ECEL1: variants seen among roughly 807,000 people sequenced by gnomAD.
The protein encoded by ECEL1 is endothelin converting enzyme like 1, also known as endothelin-converting enzyme-like 1.
In ECEL1, 87 loss-of-function variants were observed where a neutral mutation model predicts 101.8. That is an observed-to-expected ratio of 0.85 (90% CI 0.72 to 1.02). ECEL1 has a LOEUF of 1.02. ECEL1 is among the 50% of genes least tolerant of loss of function. ECEL1 has a pLI of 0.00. For synonymous variants in ECEL1, 487 were observed against 468.7 expected (o/e 1.04, Z -0.50); for missense variants, 1,032 against 1,079.2 (o/e 0.96, Z 0.61).
chr2:232,482,507 T>C (rs1390776468), intron 11 of ECEL1, 38 bp from the exon 12 acceptor site: 2 of 1,613,916 alleles, frequency 1.2e-6, no homozygotes, highest in Non-Finnish European at 1.7e-6. Flanking sequence ...ACCCATCCAC[T>C]TTCGGACCCT....
At position 232,486,725 on chromosome 2, in the gene ECEL1, G is replaced by T; in HGVS notation, c.-72C>A. The T allele has an allele frequency of 2.2e-6, 3 of 1,373,006 alleles. No individual in the cohort carries two copies. The highest frequency in any genetic ancestry group is 1.9e-6 in the Non-Finnish European group (2 of 1,065,282). 85.1% of individuals were successfully genotyped at this position (1,373,006 alleles called of 1,614,324 possible). On this transcript the variant is annotated 5_prime_UTR_variant, in exon 2 of 18. Coordinates refer to ENST00000304546, the MANE Select transcript of ECEL1 (RefSeq NM_004826.4). ...GATGCGCGTGGCCGCCGGCCTCCTC[G>T]TGGGCCTCCGCATGGCCCTGGGGCC... is the stretch of plus-strand genomic sequence containing the variant.
intron 15 of ECEL1, 81 bp from the exon 16 acceptor site, chr2:232,480,894 C>T: frequency 7.1e-7 from 1 of 1,411,508 alleles, no homozygotes; most frequent in Non-Finnish European, 9.7e-7. Context: ...CTAGGTAGCC[C>T]TCCCTGCTCT....
intron 2 of ECEL1, 94 bp from the exon 3 acceptor site, chr2:232,485,361 G>A: frequency 7.1e-7 from 1 of 1,408,358 alleles, no homozygotes; most frequent in Non-Finnish European, 9.7e-7. Context: ...AGAGCAACCA[G>A]ACATCCATGA....
Position 232,486,122 on chromosome 2 carries a change from G to T in ECEL1, c.532C>A (p.Arg178Ser). ...PGGGPGGAAQRKVRAFFRSCL... is the reference protein window; with the variant it reads ...PGGGPGGAAQSKVRAFFRSCL... ...GAGCGGAAGAAGGCGCGCACCTTGCGCTGGGCCGCGCCGCCAGGCCCACCC... is the reference window on the plus strand; with the variant it reads ...GAGCGGAAGAAGGCGCGCACCTTGCTCTGGGCCGCGCCGCCAGGCCCACCC... The change falls in exon 2 of 18, where the codon CGC becomes AGC. Residue 178 changes from arginine to serine, a missense_variant. Arg to Ser is a moderately radical substitution (Grantham distance 110, BLOSUM62 -1). Transcript: ENST00000304546. The T allele has an allele frequency of 6.4e-7, 1 of 1,569,454 alleles. No individual in the cohort carries two copies. The highest frequency in any genetic ancestry group is 8.6e-7 in the Non-Finnish European group (1 of 1,161,104).
In ECEL1 at chr2:232,486,704, C is replaced by G. The variant is rs779874372; in HGVS notation, c.-51G>C. 3.5e-6 allele frequency: 5 copies of G among 1,410,836 alleles called. No individual in the cohort carries two copies. Among genetic ancestry groups the G allele is most frequent in the Non-Finnish European group, 4.6e-6 (5 of 1,088,794 alleles). 87.4% of individuals were successfully genotyped at this position (1,410,836 alleles called of 1,614,324 possible). On this transcript the variant is annotated 5_prime_UTR_variant, in exon 2 of 18. Transcript: ENST00000304546. ...CCTGGGCCACCTGGGCTACGGGATG[C>G]GCGTGGCCGCCGGCCTCCTCGTGGG...
Position 232,480,718 on chromosome 2 carries a change from C to T in ECEL1, c.2151G>A (p.Gln717=). The change falls in exon 16 of 18, where the codon CAG becomes CAA. Residue 717 remains glutamine, a splice_region_variant and synonymous_variant. Transcript: ENST00000304546. ...CAGTCCAATCCCCCACCCAGCCCACCTGGGCAAAGGCAATGAAGAAGAGCT... is the reference window on the plus strand; with the variant it reads ...CAGTCCAATCCCCCACCCAGCCCACTTGGGCAAAGGCAATGAAGAAGAGCT... The part of the protein sequence containing the change: ...HDQLFFIAFA[Q]NWCIKRRSQS... 1 of 1,614,096 alleles carries T rather than the reference C, an allele frequency of 6.2e-7. No homozygotes were observed. The highest frequency in any genetic ancestry group is 8.5e-7 in the Non-Finnish European group (1 of 1,179,980).
rs942039552 is a variant in ECEL1 at position 232,481,841 on chromosome 2, T to C, written c.1805A>G (p.Asn602Ser). ...AATGATGGTGCCGATGCCCCCGTAG[T>C]TGAGAGACCTGGGCCCACAGCAGCA... ...LYDPDFPQSL[N>S]YGGIGTIIGH... Residue 602 changes from asparagine to serine, a missense_variant, in exon 13 of 18, where the codon AAC becomes AGC. Coordinates refer to ENST00000304546, the MANE Select transcript of ECEL1 (RefSeq NM_004826.4). 6.2e-7 allele frequency: 1 copy of C among 1,613,922 alleles called. No individual in the cohort carries two copies. The highest frequency in any genetic ancestry group is 1.1e-5 in the South Asian group (1 of 91,086).
Position 232,485,174 on chromosome 2 carries a change from G to T in ECEL1, c.855+25C>A, listed in dbSNP as rs374352395. On this transcript the variant is annotated intron_variant, in intron 3 of 17. Transcript: ENST00000304546. ...CCTCCTGGGGCCCCAGGCCTTCCCT[G>T]CCTCCCCATCCCATGCCCCAGCACC... 155 of 1,613,142 alleles carry T rather than the reference G, an allele frequency of 9.6e-5. No homozygotes were observed. The African/African-American group carries it at 1.2e-3, about 12-fold the overall frequency.
chr2:232,483,920 C>G, intron 7 of ECEL1, 81 bp downstream of exon 7: 2 of 1,448,642 alleles, frequency 1.4e-6, no homozygotes, highest in Admixed American at 4.1e-5. Flanking sequence ...ATGTGGGGCT[C>G]CCCATATTAG....
At chr2:232,481,398 G>A (rs1457900101) in intron 14 of ECEL1, 108 bp downstream of exon 14, 3 of 1,503,470 alleles carry the variant, frequency 2.0e-6, no homozygotes, top group East Asian at 2.5e-5. Context: ...GCAGGGACCT[G>A]GGCACAGGTT....
rs1160829617 is a variant in ECEL1, at chr2:232,486,325, C to G, written c.329G>C (p.Arg110Pro). The change falls in exon 2 of 18, where the codon CGC (arginine) becomes CCC (proline). Residue 110 changes from arginine (R) to proline (P), a missense_variant. Coordinates refer to ENST00000304546, the MANE Select transcript of ECEL1 (RefSeq NM_004826.4). ...PERKAFARAA[R>P]FLAANLDASI... Reference sequence around the variant, plus strand: ...GGCGTCCAGGTTGGCGGCCAGGAAGCGAGCGGCGCGCGCGAAGGCCTTGCG... The same window carrying G: ...GGCGTCCAGGTTGGCGGCCAGGAAGGGAGCGGCGCGCGCGAAGGCCTTGCG... 3.2e-6 allele frequency: 5 copies of G among 1,570,946 alleles called. No individual in the cohort carries two copies. In the Admixed American group the frequency reaches 5.3e-5, roughly 17 times the overall value.
rs761122266 is a variant in ECEL1 at position 232,482,623 on chromosome 2, T to A, written c.1686-15A>T. 6.2e-7 allele frequency: 1 copy of A among 1,603,566 alleles called. No homozygotes were observed. The highest frequency in any genetic ancestry group is 1.1e-5 in the South Asian group (1 of 90,094). Reference sequence around the variant, plus strand: ...GGAGCAGCCACCTGTGGAGGGATGCTGGGGTGAATGGGGGGAACACACTCC... The same window carrying A: ...GGAGCAGCCACCTGTGGAGGGATGCAGGGGTGAATGGGGGGAACACACTCC... On this transcript the variant is annotated splice_polypyrimidine_tract_variant and intron_variant, in intron 10 of 17. Transcript: ENST00000304546.
chr2:232,483,599 G>T, intron 7 of ECEL1, 85 bp from the exon 8 acceptor site: 1 of 1,167,092 alleles, frequency 8.6e-7, no homozygotes, highest in Middle Eastern at 2.6e-4. Context: ...CTGCCTTTAA[G>T]CACCACTTTC....
At chr2:232,487,517 G>A (rs1690763500) in intron 1 of ECEL1, among the ~76,000 whole-genome samples, 1 of 151,884 alleles carries the variant, frequency 6.6e-6, no homozygotes, top group South Asian at 2.1e-4. Context: ...GAGCGAGCTG[G>A]CTGGCGACCC....
chr2:232,483,897 G>T (rs1575077095), intron 7 of ECEL1, 104 bp downstream of exon 7: 3 of 1,289,214 alleles, frequency 2.3e-6, no homozygotes, highest in Non-Finnish European at 3.2e-6. Flanking sequence ...TGGTCCCCCT[G>T]CCTGCAGGGG....
At chr2:232,483,589 C>T (rs1299801880) in intron 7 of ECEL1, 75 bp from the exon 8 acceptor site, 20 of 1,312,172 alleles carry the variant, frequency 1.5e-5, no homozygotes, top group Non-Finnish European at 2.0e-5. Context: ...AGGGGTACCC[C>T]TGCCTTTAAG....
rs1272437267 is a variant in ECEL1, at chr2:232,482,876, T to G, written c.1660A>C (p.Ile554Leu). The change falls in exon 10 of 18, where the codon ATT becomes CTT. Residue 554 changes from isoleucine (I) to leucine (L), a missense_variant. Physicochemically the swap from Ile to Leu is conservative, Grantham distance 5. Transcript: ENST00000304546. ...GTGGACTTGTCCACCTCCTGCCGAA[T>G]CTTCTTAACTGAGAGCTGGATGCTG... ...RFSIQLSVKK[I>L]RQEVDKSTWL... The G allele has an allele frequency of 2.8e-5, 46 of 1,614,056 alleles. No homozygotes were observed. Among genetic ancestry groups the G allele is most frequent in the Non-Finnish European group, 3.2e-5 (38 of 1,180,042 alleles).
rs770758764 is a variant in ECEL1, at chr2:232,484,847, A to T, written c.1013T>A (p.Met338Lys). ...HDDLRRDVSSMYNKVTLGQLQ... is the reference protein window; with the variant it reads ...HDDLRRDVSSKYNKVTLGQLQ... Reference sequence around the variant, plus strand: ...CTGCCCCAGCGTCACCTTGTTGTACATGGAGCTGACATCTCGCCGTAGGTC... The same window carrying T: ...CTGCCCCAGCGTCACCTTGTTGTACTTGGAGCTGACATCTCGCCGTAGGTC... Residue 338 changes from methionine to lysine, a missense_variant, in exon 5 of 18, where the codon ATG becomes AAG. Transcript: ENST00000304546. 1 of 1,613,962 alleles carries T rather than the reference A, an allele frequency of 6.2e-7. No homozygotes were observed. The highest frequency in any genetic ancestry group is 8.5e-7 in the Non-Finnish European group (1 of 1,179,984).
In ECEL1 at chr2:232,484,192, C is replaced by T; in HGVS notation, c.1216G>A (p.Val406Met). 3 of 1,612,940 alleles carry T rather than the reference C, an allele frequency of 1.9e-6. No individual in the cohort carries two copies. Among genetic ancestry groups the T allele is most frequent in the Non-Finnish European group, 2.5e-6 (3 of 1,179,838 alleles). ...GACAGGTGTTCACTCAGGACCACCA[C>T]CACGCGCCACACCAGGTAGTTGTGC... is the stretch of plus-strand genomic sequence containing the variant. Reference protein sequence around the residue: ...VLHNYLVWRVVVVLSEHLSPP... With the variant: ...VLHNYLVWRVMVVLSEHLSPP... Residue 406 changes from valine to methionine, a missense_variant, in exon 7 of 18, where the codon GTG (valine) becomes ATG (methionine). Transcript: ENST00000304546.
Sources: allele counts gnomAD v4.1 joint callset (sites outside exome capture counted in the v4.1 genomes callset), GRCh38; gene constraint gnomAD v4.1.1; transcripts MANE v1.5; gene names NCBI Gene and HGNC (gene_info 2026-07-23, HGNC 2026-07-21).